The following KCNIP4 variants were observed in gnomAD, a reference collection of about 807,000 sequenced individuals.
The protein encoded by KCNIP4 is potassium voltage-gated channel interacting protein 4, also known as Kv channel-interacting protein 4.
A neutral mutation model predicts 34.0 loss-of-function variants in KCNIP4; 12 were observed. The ratio of observed to expected loss-of-function variants is 0.35; its 90% CI spans 0.23 to 0.57. The LOEUF (loss-of-function observed/expected upper bound fraction) is 0.57. Ranked by LOEUF, KCNIP4 falls within the 20% of genes least tolerant of loss-of-function variation. KCNIP4 has a pLI of 0.83. For missense variants in KCNIP4, 238 were observed against 311.7 expected, an observed-to-expected ratio of 0.76 and a Z score of 1.78; for synonymous variants, 124 against 102.2, an observed-to-expected ratio of 1.21 and a Z score of -1.29.
chr4:21,375,228 G>C (rs1440281533), intron 1 of KCNIP4, among the ~76,000 whole-genome samples: 1 of 130,938 alleles, frequency 7.6e-6, no homozygotes, highest in Non-Finnish European at 1.5e-5. Context: ...GTCCAACCCT[G>C]AGTCTTGTAG....
intron 1 of KCNIP4, among the ~76,000 whole-genome samples, chr4:21,694,069 A>G (rs1373214883): frequency 2.0e-5 from 3 of 152,200 alleles, no homozygotes; most frequent in Admixed American, 2.0e-4. Context: ...GTACCCTAAA[A>G]CATGACAATA....
chr4:21,498,399 G>C (rs1322963350), intron 1 of KCNIP4, among the ~76,000 whole-genome samples: 1 of 152,136 alleles, frequency 6.6e-6, no homozygotes, highest in Non-Finnish European at 1.5e-5. Context: ...TCACTTTTGA[G>C]TTTTCTCTTG....
chr4:21,433,892 A>G (rs555004800), intron 1 of KCNIP4, among the ~76,000 whole-genome samples: 100 of 152,366 alleles, frequency 6.6e-4, no homozygotes, highest in African/African-American at 2.2e-3. Context: ...AAGACAAATA[A>G]CAATTATTAA....
chr4:21,065,726 CTA>C (rs5856598), intron 1 of KCNIP4, among the ~76,000 whole-genome samples: 15,706 of 85,628 alleles, frequency 0.18, 901 homozygotes, highest in Admixed American at 0.22. Context: ...TATCATTTGT[CTA>C]TATATATATA....
intron 1 of KCNIP4, among the ~76,000 whole-genome samples, chr4:21,474,285 T>A (rs566627287): frequency 1.3e-5 from 2 of 152,288 alleles, no homozygotes; most frequent in Admixed American, 1.3e-4. Flanking sequence ...ACTTTTCTGT[T>A]ATTATTATTA....
intron 1 of KCNIP4, among the ~76,000 whole-genome samples, chr4:21,546,951 T>C (rs1022624851): frequency 2.0e-5 from 3 of 152,130 alleles, no homozygotes; most frequent in Non-Finnish European, 2.9e-5. Context: ...GGTATGATAA[T>C]AGGAAATGTT....
At chr4:21,843,389 G>T (rs138106138) in intron 1 of KCNIP4, 24 of 152,162 alleles carry the variant, frequency 1.6e-4, no homozygotes, top group African/African-American at 5.8e-4. Flanking sequence ...TGGGGTTTAA[G>T]ACATGTTAGC....
chr4:20,857,490 A>G (rs1721725733), intron 2 of KCNIP4, among the ~76,000 whole-genome samples: 1 of 140,134 alleles, frequency 7.1e-6, no homozygotes, highest in African/African-American at 2.9e-5. Context: ...TTTCACATAC[A>G]TGGAGACTGA....
chr4:20,970,867 G>C lies in KCNIP4; in HGVS notation c.62-88158C>G, dbSNP rs1176358795. 2.0e-5 allele frequency among the ~76,000 whole-genome samples: 3 copies of C among 152,204 alleles called. No individual in the cohort carries two copies. The South Asian group carries it at 6.2e-4, about 32-fold the overall frequency. ...TTCACTCACTCCCACAGGGCATTGA[G>C]GATGGAAAGATAAGTGCTCTACATA... is the stretch of plus-strand genomic sequence containing the variant. On this transcript the variant is annotated intron_variant, in intron 1 of 8. Transcript: ENST00000382152.
At chr4:21,035,800 C>G (rs1741398118) in intron 1 of KCNIP4, among the ~76,000 whole-genome samples, 1 of 152,114 alleles carries the variant, frequency 6.6e-6, no homozygotes, top group Non-Finnish European at 1.5e-5. Context: ...CATCTAATGG[C>G]CTGCATCTGT....
At chr4:20,995,811 A>T (rs1737503090) in intron 1 of KCNIP4, among the ~76,000 whole-genome samples, 1 of 152,226 alleles carries the variant, frequency 6.6e-6, no homozygotes, top group African/African-American at 2.4e-5. Flanking sequence ...GTTATGTACC[A>T]TGCAAAATAT....
intron 1 of KCNIP4, among the ~76,000 whole-genome samples, chr4:21,676,502 A>G (rs1749910412): frequency 6.6e-6 from 1 of 152,206 alleles, no homozygotes; most frequent in African/African-American, 2.4e-5. Flanking sequence ...TGCAGCAGAG[A>G]TATTTCACAC....
intron 1 of KCNIP4, among the ~76,000 whole-genome samples, chr4:21,506,821 T>C (rs1434964812): frequency 1.3e-5 from 2 of 152,136 alleles, no homozygotes; most frequent in Non-Finnish European, 2.9e-5. Context: ...AGACAGAGTC[T>C]CTCTCTGTAG....
intron 1 of KCNIP4, among the ~76,000 whole-genome samples, chr4:21,752,587 GA>G (rs1005192892): frequency 3.3e-5 from 5 of 151,020 alleles, no homozygotes; most frequent in Admixed American, 1.3e-4. Context: ...ACTAGAGGAA[GA>G]AAAAAAAGGG....
intron 1 of KCNIP4, among the ~76,000 whole-genome samples, chr4:21,312,475 C>T (rs1240768170): frequency 2.0e-5 from 3 of 152,164 alleles, no homozygotes; most frequent in African/African-American, 4.8e-5. Context: ...TCTGCTCAAA[C>T]ACCCTCACCC....
intron 1 of KCNIP4, among the ~76,000 whole-genome samples, chr4:21,266,525 G>A (rs1224151771): frequency 1.3e-5 from 2 of 152,194 alleles, no homozygotes; most frequent in Admixed American, 6.5e-5. Flanking sequence ...TAGCCAGAAT[G>A]GAATGTGACT....
At chr4:21,178,832 T>G (rs1226726519) in intron 1 of KCNIP4, among the ~76,000 whole-genome samples, 2 of 150,386 alleles carry the variant, frequency 1.3e-5, no homozygotes, top group Admixed American at 6.6e-5. Context: ...TTTTTTTTTT[T>G]TTGTTTTGAG....
At chr4:21,837,860 T>G (rs1723447953) in intron 1 of KCNIP4, among the ~76,000 whole-genome samples, 2 of 152,074 alleles carry the variant, frequency 1.3e-5, no homozygotes, top group Admixed American at 1.3e-4. Context: ...TCTTAGAAAT[T>G]CCATCAATAT....
At chr4:21,462,243 C>A (rs1729522205) in intron 1 of KCNIP4, among the ~76,000 whole-genome samples, 1 of 152,092 alleles carries the variant, frequency 6.6e-6, no homozygotes, top group South Asian at 2.1e-4. Context: ...TAAAGATATA[C>A]CCAAGACTGG....
Sources: allele counts gnomAD v4.1 joint callset (sites outside exome capture counted in the v4.1 genomes callset), GRCh38; gene constraint gnomAD v4.1.1; transcripts MANE v1.5; gene names NCBI Gene and HGNC (gene_info 2026-07-23, HGNC 2026-07-21).